PCDHGA10: variants seen among roughly 807,000 people sequenced by gnomAD.
PCDHGA10 encodes protocadherin gamma subfamily A, 10, also known as protocadherin gamma-A10.
In PCDHGA10, 42 loss-of-function variants were observed where a neutral mutation model predicts 59.5. The observed-to-expected ratio is 0.71, with a 90% CI of 0.55 to 0.91. The LOEUF is 0.91. PCDHGA10 is among the 40% of genes least tolerant of loss of function. The pLI is 0.00. For missense variants in PCDHGA10, 1,111 were observed against 1,198.2 expected (o/e 0.93, Z 1.07); for synonymous variants, 511 against 517.2 (o/e 0.99, Z 0.16).
At position 141,413,510 on chromosome 5, in the gene PCDHGA10, T is replaced by G. The variant is rs372002880; in HGVS notation, c.335T>G (p.Ile112Ser). The change falls in exon 1 of 4, where the codon ATC becomes AGC. Residue 112 changes from isoleucine (I) to serine (S), a missense_variant. By Grantham distance (142) the Ile-to-Ser change is moderately radical (BLOSUM62 -2). Transcript: ENST00000398610. Reference protein sequence around the residue: ...QSARCVVSFNILVEDRVKLFG... With the variant: ...QSARCVVSFNSLVEDRVKLFG... ...GCGCGGTGCGTGGTGAGTTTTAATA[T>G]CCTTGTGGAAGACAGGGTGAAACTT... The G allele has an allele frequency of 5.4e-5, 87 of 1,613,876 alleles. No individual in the cohort carries two copies. Among genetic ancestry groups the G allele is most frequent in the Middle Eastern group, 1.6e-4 (1 of 6,084 alleles).
At chr5:141,450,293 G>A (rs879439714) in intron 1 of PCDHGA10, among the ~76,000 whole-genome samples, 6 of 151,746 alleles carry the variant, frequency 4.0e-5, no homozygotes, top group Non-Finnish European at 7.4e-5. Flanking sequence ...GATTACAGGC[G>A]TGAGCCACCA....
chr5:141,422,011 G>T (rs200879435), intron 1 of PCDHGA10: 2 of 1,610,252 alleles, frequency 1.2e-6, no homozygotes, highest in East Asian at 2.2e-5. Flanking sequence ...CGGAACTCGG[G>T]TGCTGATGGT....
chr5:141,426,971 G>A, intron 1 of PCDHGA10: 1 of 456,732 alleles, frequency 2.2e-6, no homozygotes, highest in South Asian at 1.5e-5. Context: ...TTCAAATTGA[G>A]GTCACTGATG....
At chr5:141,417,003 A>T (rs1444236854) in intron 1 of PCDHGA10, 1 of 150,264 alleles carries the variant, frequency 6.7e-6, no homozygotes, top group African/African-American at 2.5e-5. Flanking sequence ...CATCTCAAAT[A>T]ATTCTATTAT....
intron 1 of PCDHGA10, chr5:141,422,204 GAGGTCTCTTTACCA>G: frequency 6.4e-7 from 1 of 1,562,138 alleles, no homozygotes. Flanking sequence ...CAAGATGGTG[GAGGTCTCTTTACCA>G]CCACGACGAT....
In PCDHGA10 at chr5:141,486,157, A is replaced by C. The variant is rs1562110580; in HGVS notation, c.2437-8650A>C. On this transcript the variant is annotated intron_variant, in intron 1 of 3. Transcript: ENST00000398610. This position sits in a 1 kb window ranked among gnomAD's most constrained non-coding sequence, Gnocchi z 5.0. ...TGCGGGCTCGCGATGGGGGTTCTCC[A>C]GCCATGGAGCAACATTGCAGCCTTC... 10 of 1,614,208 alleles carry C rather than the reference A, an allele frequency of 6.2e-6. No individual in the cohort carries two copies. The highest frequency in any genetic ancestry group is 8.5e-6 in the Non-Finnish European group (10 of 1,180,028).
intron 1 of PCDHGA10, chr5:141,475,966 A>T (rs1252698069): frequency 2.3e-6 from 2 of 888,664 alleles, no homozygotes; most frequent in Admixed American, 5.2e-5. Flanking sequence ...GGGATGAGGC[A>T]GAGACTGAAC....
At chr5:141,504,709 C>G (rs11743102) in intron 2 of PCDHGA10, among the ~76,000 whole-genome samples, 29,287 of 151,306 alleles carry the variant, frequency 0.19, 2,876 homozygotes, top group Middle Eastern at 0.24. Context: ...CTTCTATGGC[C>G]GTGGATTTTA....
chr5:141,487,377 C>G lies in PCDHGA10; in HGVS notation c.2437-7430C>G, dbSNP rs758216933. On this transcript the variant is annotated intron_variant, in intron 1 of 3. Coordinates refer to ENST00000398610, the MANE Select transcript of PCDHGA10 (RefSeq NM_018913.3). This position sits in a 1 kb window ranked among gnomAD's most constrained non-coding sequence, Gnocchi z 5.0. ...CCTGCTGGCACCTGTGCCTGTCTCA[C>G]CAGATCTCGAAGGAGGGAGGGGCTT... 6.2e-7 allele frequency: 1 copy of G among 1,614,190 alleles called. No individual in the cohort carries two copies. The highest frequency in any genetic ancestry group is 1.1e-5 in the South Asian group (1 of 91,086).
chr5:141,504,907 A>G (rs2099841813), intron 2 of PCDHGA10, among the ~76,000 whole-genome samples: 1 of 152,100 alleles, frequency 6.6e-6, no homozygotes, highest in African/African-American at 2.4e-5. Context: ...TCACTATGAC[A>G]GGAAGCCAGG....
chr5:141,485,745 T>C lies in PCDHGA10; in HGVS notation c.2437-9062T>C. 3 of 1,614,146 alleles carry C rather than the reference T, an allele frequency of 1.9e-6. No individual in the cohort carries two copies. Among genetic ancestry groups the C allele is most frequent in the Non-Finnish European group, 2.5e-6 (3 of 1,179,986 alleles). ...AAGAAGCGCAGCGACGGCAGCCTGGTCCCAGAGCTGCTCCTGGAGAAGCCT... is the reference window on the plus strand; with the variant it reads ...AAGAAGCGCAGCGACGGCAGCCTGGCCCCAGAGCTGCTCCTGGAGAAGCCT... On this transcript the variant is annotated intron_variant, in intron 1 of 3. Transcript: ENST00000398610. This position sits in a 1 kb window ranked among gnomAD's most constrained non-coding sequence, Gnocchi z 5.7.
intron 1 of PCDHGA10, chr5:141,419,926 G>T: frequency 6.2e-7 from 1 of 1,614,096 alleles, no homozygotes; most frequent in South Asian, 1.1e-5. Flanking sequence ...CTGAGATGCA[G>T]TTTTACCTGG....
chr5:141,509,051 A>G (rs1051961974), intron 3 of PCDHGA10, among the ~76,000 whole-genome samples: 1 of 152,166 alleles, frequency 6.6e-6, no homozygotes, highest in Admixed American at 6.5e-5. Context: ...CCCCGCCCCC[A>G]GAAAGCTCTC....
At position 141,486,460 on chromosome 5, in the gene PCDHGA10, T is replaced by A. The variant is rs1218788640; in HGVS notation, c.2437-8347T>A. 6.2e-7 allele frequency: 1 copy of A among 1,614,146 alleles called. No individual in the cohort carries two copies. Among genetic ancestry groups the A allele is most frequent in the South Asian group, 1.1e-5 (1 of 91,082 alleles). On this transcript the variant is annotated intron_variant, in intron 1 of 3. Coordinates refer to ENST00000398610, the MANE Select transcript of PCDHGA10 (RefSeq NM_018913.3). The surrounding 1 kb of genome is among the most constrained non-coding windows in gnomAD (Gnocchi z 5.0). Reference sequence around the variant, plus strand: ...ATGACATCATGGTCACTGCTTCTGATGCTGGGAACCCTCCTCTCAGTACCC... The same window carrying A: ...ATGACATCATGGTCACTGCTTCTGAAGCTGGGAACCCTCCTCTCAGTACCC...
Position 141,487,781 on chromosome 5 carries a change from G to T in PCDHGA10, c.2437-7026G>T. ...AGACGCTGTGCTTTGTAACTGTTTC[G>T]TGAATTAACCAGAGTTGTCACAGTT... On this transcript the variant is annotated intron_variant, in intron 1 of 3. Transcript: ENST00000398610. This position sits in a 1 kb window ranked among gnomAD's most constrained non-coding sequence, Gnocchi z 5.0. 2 of 1,526,850 alleles carry T rather than the reference G, an allele frequency of 1.3e-6. No homozygotes were observed. The highest frequency in any genetic ancestry group is 8.8e-7 in the Non-Finnish European group (1 of 1,130,880). The allele number at this position is 1,526,850 out of a possible 1,614,324, so 94.6% of individuals were successfully genotyped here. A position where few individuals can be genotyped will look rare whatever the true frequency, so the allele number is the denominator to read the frequency against.
chr5:141,419,756 G>C (rs1006926516), intron 1 of PCDHGA10: 10 of 1,613,890 alleles, frequency 6.2e-6, no homozygotes, highest in Admixed American at 1.7e-5. Flanking sequence ...GCGTGCTTTG[G>C]GTGACAAGGA....
At chr5:141,454,850 C>T (rs1208208678) in intron 1 of PCDHGA10, among the ~76,000 whole-genome samples, 3 of 132,848 alleles carry the variant, frequency 2.3e-5, no homozygotes, top group Non-Finnish European at 4.6e-5. Flanking sequence ...CTCTGTCACC[C>T]AGGCTGGAGT....
At chr5:141,438,633 TATAC>T (rs1373299550) in intron 1 of PCDHGA10, among the ~76,000 whole-genome samples, 3,683 of 33,472 alleles carry the variant, frequency 0.11, 56 homozygotes, top group Non-Finnish European at 0.14. Flanking sequence ...TATATATATA[TATAC>T]ACACACACAC....
chr5:141,423,230 G>A (rs1223173152), intron 1 of PCDHGA10: 1 of 1,613,872 alleles, frequency 6.2e-7, no homozygotes, highest in East Asian at 2.2e-5. Flanking sequence ...GTGGCCGACA[G>A]CATCCCCGAA....
Sources: gnomAD v4.1 joint callset for allele counts (sites outside exome capture counted in the v4.1 genomes callset) on GRCh38, gnomAD v4.1.1 for gene constraint, Gnocchi (gnomAD v3.1) non-coding constraint, MANE v1.5 for transcripts, NCBI Gene and HGNC (gene_info 2026-07-23, HGNC 2026-07-21) for gene names.